The following NELFA variants were observed in gnomAD, a reference collection of about 807,000 sequenced individuals.
NELFA encodes negative elongation factor complex member A, also known as negative elongation factor A.
In NELFA, 35 loss-of-function variants were observed where a neutral mutation model predicts 51.8. That is an observed-to-expected ratio of 0.68 (90% confidence interval 0.52 to 0.90). The LOEUF (loss-of-function observed/expected upper bound fraction) is 0.90. Among genes scored for constraint, NELFA ranks in the 40% least tolerant of loss-of-function variants. NELFA has a pLI of 0.00. For synonymous variants in NELFA, 417 were observed against 338.4 expected, an observed-to-expected ratio of 1.23 and a Z score of -2.55; for missense variants, 658 against 746.4, an observed-to-expected ratio of 0.88 and a Z score of 1.38.
chr4:2,002,180 A>G (rs1728600038), intron 1 of NELFA, among the ~76,000 whole-genome samples: 1 of 152,136 alleles, frequency 6.6e-6, no homozygotes, highest in African/African-American at 2.4e-5. Context: ...AGCCTGGGCG[A>G]CAAAGCGAGA....
intron 1 of NELFA, among the ~76,000 whole-genome samples, chr4:2,008,387 G>T (rs1379777214): frequency 4.6e-5 from 7 of 151,142 alleles, no homozygotes; most frequent in Non-Finnish European, 1.0e-4. Context: ...GGAGATTGAG[G>T]ATCCCAGGGG....
At position 1,983,128 on chromosome 4, in the gene NELFA, T is replaced by G; in HGVS notation, c.*191A>C. On this transcript the variant is annotated 3_prime_UTR_variant, in exon 11 of 11. Coordinates refer to ENST00000382882, the MANE Select transcript of NELFA (RefSeq NM_005663.5). ...TAAATCACACAAAAAAGAACCCATA[T>G]TAAAATTTTAAAAATAAGCCCCAAA... is the stretch of plus-strand genomic sequence containing the variant. 4.0e-6 allele frequency: 2 copies of G among 501,798 alleles called. No homozygotes were observed. Among genetic ancestry groups the G allele is most frequent in the East Asian group, 6.4e-5 (2 of 31,046 alleles). 31.1% of individuals were successfully genotyped at this position (501,798 alleles called of 1,614,324 possible).
intron 1 of NELFA, among the ~76,000 whole-genome samples, chr4:2,002,678 A>G (rs901123760): frequency 1.3e-5 from 2 of 152,238 alleles, no homozygotes; most frequent in African/African-American, 4.8e-5. Flanking sequence ...CTGGCTAGCC[A>G]TATGTAGAAA....
rs749053117 is a variant in NELFA at position 1,986,029 on chromosome 4, C to T, written c.835+85G>A. 7.6e-5 allele frequency: 112 copies of T among 1,467,200 alleles called. 1 individual carries two copies. The highest frequency in any genetic ancestry group is 1.9e-4 in the South Asian group (15 of 79,356). The allele number at this position is 1,467,200 out of a possible 1,614,324, so 90.9% of individuals were successfully genotyped here. A position where few individuals can be genotyped will look rare whatever the true frequency, so the allele number is the denominator to read the frequency against. On this transcript the variant is annotated intron_variant, in intron 6 of 10. Transcript: ENST00000382882. Reference sequence around the variant, plus strand: ...CAGCCTCACGGGGCACAGCCCTGCCCGCCGAGCGTGGGCACAACCCACCCC... The same window carrying T: ...CAGCCTCACGGGGCACAGCCCTGCCTGCCGAGCGTGGGCACAACCCACCCC...
intron 1 of NELFA, among the ~76,000 whole-genome samples, chr4:2,002,052 T>A (rs1728582583): frequency 6.6e-6 from 1 of 151,106 alleles, no homozygotes; most frequent in Admixed American, 6.6e-5. Flanking sequence ...TACAAAAAAT[T>A]AGCCAGGCAT....
intron 1 of NELFA, chr4:2,007,984 A>G (rs887835934): frequency 2.2e-6 from 1 of 457,070 alleles, no homozygotes; most frequent in Non-Finnish European, 4.4e-6. Flanking sequence ...ACTTATTGGA[A>G]TGACGCAAAA....
At chr4:2,006,744 G>A (rs1487400286) in intron 1 of NELFA, among the ~76,000 whole-genome samples, 2 of 146,418 alleles carry the variant, frequency 1.4e-5, no homozygotes, top group Non-Finnish European at 3.0e-5. Flanking sequence ...ACTCTAGCCT[G>A]GGTGACAGAG....
chr4:1,984,051 G>C lies in NELFA; in HGVS notation c.1099C>G (p.Pro367Ala). 6.2e-7 allele frequency: 1 copy of C among 1,603,808 alleles called. No individual in the cohort carries two copies. The highest frequency in any genetic ancestry group is 8.5e-7 in the Non-Finnish European group (1 of 1,178,334). ...GGCGCCCGCTGCTTGAACTGCGCTGGCAACGTGGGGCTCGGGGCGCTGGGC... is the reference window on the plus strand; with the variant it reads ...GGCGCCCGCTGCTTGAACTGCGCTGCCAACGTGGGGCTCGGGGCGCTGGGC... Reference protein sequence around the residue: ...EEPSAPSPTLPAQFKQRAPMY... With the variant: ...EEPSAPSPTLAAQFKQRAPMY... Residue 367 changes from proline (P) to alanine (A), a missense_variant, in exon 9 of 11, where the codon CCA becomes GCA. Pro to Ala is a conservative substitution (Grantham distance 27). Transcript: ENST00000382882.
In NELFA at chr4:1,994,976, G is replaced by C. The variant is rs369639879; in HGVS notation, c.211-3261C>G. ...TAAGGTTAACCTTATGTGTCAACTT[G>C]ACTGGGCCATGGGGCACCTGGACAG... On this transcript the variant is annotated intron_variant, in intron 1 of 10. Coordinates refer to ENST00000382882, the MANE Select transcript of NELFA (RefSeq NM_005663.5). Among the ~76,000 whole-genome samples, 525 of 152,314 alleles carry C rather than the reference G, an allele frequency of 3.4e-3. 3 individuals carry two copies. The highest frequency in any genetic ancestry group is 0.012 in the African/African-American group (515 of 41,570).
chr4:1,994,302 C>A (rs1157828759), intron 1 of NELFA, among the ~76,000 whole-genome samples: 1 of 152,074 alleles, frequency 6.6e-6, no homozygotes, highest in Non-Finnish European at 1.5e-5. Context: ...CGGTGGCTCA[C>A]GTCTGTAATC....
At chr4:2,005,808 T>C (rs142469883) in intron 1 of NELFA, among the ~76,000 whole-genome samples, 2 of 151,888 alleles carry the variant, frequency 1.3e-5, no homozygotes, top group Non-Finnish European at 2.9e-5. Context: ...TGGAAAAATA[T>C]GAAATAGGTG....
At chr4:1,986,842 G>A (rs1728118929) in intron 4 of NELFA, among the ~76,000 whole-genome samples, 2 of 152,174 alleles carry the variant, frequency 1.3e-5, no homozygotes, top group Non-Finnish European at 2.9e-5. Context: ...CACCCTCCAA[G>A]GCGTGCGTGG....
chr4:1,988,743 G>A (rs894273683), intron 3 of NELFA, among the ~76,000 whole-genome samples: 1 of 152,098 alleles, frequency 6.6e-6, no homozygotes, highest in Admixed American at 6.5e-5. Flanking sequence ...TTGGGAAAAC[G>A]TTAACTGAAA....
In NELFA at chr4:1,991,688, G is replaced by A. The variant is rs1728273740; in HGVS notation, c.238C>T (p.Gln80Ter). 1 of 1,611,236 alleles carries A rather than the reference G, an allele frequency of 6.2e-7. No individual in the cohort carries two copies. Among genetic ancestry groups the A allele is most frequent in the Non-Finnish European group, 8.5e-7 (1 of 1,178,982 alleles). The change falls in exon 2 of 11, where the codon CAG becomes TAG. Residue 80 changes from glutamine (Q) to a stop codon, truncating the protein, a stop_gained. Coordinates refer to ENST00000382882, the MANE Select transcript of NELFA (RefSeq NM_005663.5). LOFTEE classifies it high-confidence loss of function. The part of the protein sequence containing the change: ...EMKGALMEII[Q>*]LASLDSDPWV... ...GGGTCCGAGTCGAGGCTGGCGAGCT[G>A]GATGATCTCCATTAGGGCGCCCTTC...
At chr4:2,004,052 G>C (rs773362940) in intron 1 of NELFA, 2 of 151,992 alleles carry the variant, frequency 1.3e-5, no homozygotes, top group Non-Finnish European at 2.9e-5. Flanking sequence ...CCAGCTACTC[G>C]GGAGGCTGAG....
intron 1 of NELFA, among the ~76,000 whole-genome samples, chr4:2,002,474 T>A (rs1728607424): frequency 6.6e-6 from 1 of 152,100 alleles, no homozygotes; most frequent in Non-Finnish European, 1.5e-5. Context: ...CTACCTGACT[T>A]CAAACTACAC....
chr4:1,983,332 G>A lies in NELFA; in HGVS notation c.1574C>T (p.Thr525Ile). ...AGGCAGGTGGTTCTAGGACACATTGGTCATGGGCTTGTACTTCTTGAAGCG... is the reference window on the plus strand; with the variant it reads ...AGGCAGGTGGTTCTAGGACACATTGATCATGGGCTTGTACTTCTTGAAGCG... ...WTRFKKYKPM[T>I]NVS The change falls in exon 11 of 11, where the codon ACC becomes ATC. Residue 525 changes from threonine (T) to isoleucine (I), a missense_variant. Around this residue, in one of 3 missense-constraint regions of NELFA, gnomAD observed 87 missense variants for 130.2 expected, o/e 0.67. Transcript: ENST00000382882. 1.2e-6 allele frequency: 2 copies of A among 1,614,092 alleles called. No homozygotes were observed. Among genetic ancestry groups the A allele is most frequent in the Middle Eastern group, 1.7e-4 (1 of 6,060 alleles).
At position 2,008,952 on chromosome 4, in the gene NELFA, G is replaced by A; in HGVS notation, c.8C>T (p.Ser3Phe). 1 of 1,559,546 alleles carries A rather than the reference G, an allele frequency of 6.4e-7. No individual in the cohort carries two copies. The highest frequency in any genetic ancestry group is 8.7e-7 in the Non-Finnish European group (1 of 1,151,650). Residue 3 changes from serine (S) to phenylalanine (F), a missense_variant, in exon 1 of 11, where the codon TCC becomes TTC. Ser to Phe is a radical substitution (Grantham distance 155). Transcript: ENST00000382882. ...CAGGCCCGTGTCGCTCTCCCGCATG[G>A]ACGCCATCTTGGGGGAAAGCGCGCG... MASMRESDTGLWL... is the reference protein window; with the variant it reads MAFMRESDTGLWL...
At chr4:1,992,204 G>A (rs1019453898) in intron 1 of NELFA, 9 of 225,916 alleles carry the variant, frequency 4.0e-5, no homozygotes, top group African/African-American at 1.2e-4. Context: ...CTGGGACCTG[G>A]GGCAGCACCC....
Sources: allele counts gnomAD v4.1 joint callset (sites outside exome capture counted in the v4.1 genomes callset), GRCh38; gene constraint gnomAD v4.1.1; regional missense constraint gnomAD v4.1.1; transcripts MANE v1.5; gene names NCBI Gene and HGNC (gene_info 2026-07-23, HGNC 2026-07-21).